Variants in B4GALT5 observed in about 807,000 individuals in gnomAD.
B4GALT5 encodes beta-1,4-galactosyltransferase 5.
A neutral mutation model predicts 45.0 loss-of-function variants in B4GALT5; 11 were observed. The ratio of observed to expected loss-of-function variants is 0.24; its 90% CI spans 0.15 to 0.40. The LOEUF (loss-of-function observed/expected upper bound fraction) is 0.40. B4GALT5 is among the 10% of genes least tolerant of loss of function. The pLI, the probability that B4GALT5 is intolerant of heterozygous loss-of-function variation, is 1.00. For synonymous variants in B4GALT5, 185 were observed against 182.9 expected, an observed-to-expected ratio of 1.01 and a Z score of -0.09; for missense variants, 337 against 500.2, an observed-to-expected ratio of 0.67 and a Z score of 3.11.
chr20:49,636,537 G>A (rs140933889), intron 8 of B4GALT5, 78 bp from the exon 9 acceptor site: 159 of 1,522,056 alleles, frequency 1.0e-4, no homozygotes, highest in Non-Finnish European at 1.3e-4. Context: ...GGAGCAGGGC[G>A]TCCCACAGCA....
At chr20:49,647,555 A>G (rs1568717195) in intron 2 of B4GALT5, among the ~76,000 whole-genome samples, 2 of 151,952 alleles carry the variant, frequency 1.3e-5, no homozygotes, top group African/African-American at 4.8e-5. Context: ...ATCCCCTTCC[A>G]TTCCCCAGTC....
intron 2 of B4GALT5, among the ~76,000 whole-genome samples, chr20:49,650,598 T>C (rs1238045420): frequency 6.6e-6 from 1 of 151,918 alleles, no homozygotes; most frequent in African/African-American, 2.4e-5. Flanking sequence ...GATCACACGG[T>C]TGCACTCCAG....
At chr20:49,712,948 AT>A (rs2085923481) in intron 1 of B4GALT5, among the ~76,000 whole-genome samples, 1 of 150,590 alleles carries the variant, frequency 6.6e-6, no homozygotes, top group Non-Finnish European at 1.5e-5. Context: ...AGGCAGAGAG[AT>A]CAGGCCACTG....
chr20:49,645,672 C>A (rs966585662), intron 3 of B4GALT5, among the ~76,000 whole-genome samples: 1 of 151,984 alleles, frequency 6.6e-6, no homozygotes. Context: ...TCACTTGAAC[C>A]TGGGAGGCAG....
rs1473542686 is a variant in B4GALT5, at chr20:49,635,568, TCAACTG to T, written c.*738_*743del. On this transcript the variant is annotated 3_prime_UTR_variant, in exon 9 of 9. Coordinates refer to ENST00000371711, the MANE Select transcript of B4GALT5 (RefSeq NM_004776.4). ...ACAGCAATTCGGGAGATGACATTCTTCAACTGCATTTTAACTGAGTTCCTGCACTTG... is the reference window on the plus strand; with the variant it reads ...ACAGCAATTCGGGAGATGACATTCTTCATTTTAACTGAGTTCCTGCACTTG... 2 of 152,484 alleles carry T rather than the reference TCAACTG, an allele frequency of 1.3e-5. No individual in the cohort carries two copies. The highest frequency in any genetic ancestry group is 2.9e-5 in the Non-Finnish European group (2 of 68,026). 9.4% of individuals were successfully genotyped at this position (152,484 alleles called of 1,614,324 possible).
chr20:49,704,580 G>A (rs374282025), intron 1 of B4GALT5, among the ~76,000 whole-genome samples: 7 of 150,922 alleles, frequency 4.6e-5, no homozygotes, highest in South Asian at 2.1e-4. Flanking sequence ...TTAGCCGGGC[G>A]TAGTGGCGGG....
intron 1 of B4GALT5, among the ~76,000 whole-genome samples, chr20:49,689,582 T>C (rs150736494): frequency 6.6e-6 from 1 of 152,354 alleles, no homozygotes; most frequent in East Asian, 1.9e-4. Flanking sequence ...TTAACTTGCT[T>C]ATCACAAATA....
intron 1 of B4GALT5, among the ~76,000 whole-genome samples, chr20:49,679,580 G>A: frequency 6.6e-6 from 1 of 151,834 alleles, no homozygotes; most frequent in Non-Finnish European, 1.5e-5. Context: ...GGAGGCTGAG[G>A]CAGGAGAATC....
chr20:49,702,842 G>A (rs886904238), intron 1 of B4GALT5, among the ~76,000 whole-genome samples: 4 of 151,390 alleles, frequency 2.6e-5, no homozygotes, highest in Non-Finnish European at 5.9e-5. Flanking sequence ...GCAACAGAGC[G>A]AGAGTCCATC....
At chr20:49,710,952 A>C (rs1348102054) in intron 1 of B4GALT5, among the ~76,000 whole-genome samples, 1 of 151,986 alleles carries the variant, frequency 6.6e-6, no homozygotes, top group African/African-American at 2.4e-5. Context: ...GCAGGGTGGC[A>C]TGTACCTGGA....
intron 1 of B4GALT5, among the ~76,000 whole-genome samples, chr20:49,707,229 A>C (rs559177668): frequency 6.6e-6 from 1 of 152,294 alleles, no homozygotes; most frequent in South Asian, 2.1e-4. Context: ...AGAGAACATA[A>C]AACATCACCA....
At chr20:49,642,641 G>A (rs2085581846) in intron 4 of B4GALT5, 57 bp from the exon 5 acceptor site, 1 of 1,240,762 alleles carries the variant, frequency 8.1e-7, no homozygotes, top group African/African-American at 1.5e-5. Context: ...TCACTCCTTA[G>A]CAGGACACCC....
rs577294980 is a variant in B4GALT5 at position 49,647,058 on chromosome 20, G to A, written c.271C>T (p.His91Tyr). 11 of 1,613,400 alleles carry A rather than the reference G, an allele frequency of 6.8e-6. No individual in the cohort carries two copies. The highest frequency in any genetic ancestry group is 9.3e-6 in the Non-Finnish European group (11 of 1,179,572). The change falls in exon 3 of 9, where the codon CAC becomes TAC. Residue 91 changes from histidine (H) to tyrosine (Y), a missense_variant. Physicochemically the swap from His to Tyr is moderately conservative, Grantham distance 83. This residue lies in a region of B4GALT5 where 174 missense variants were observed against 207.4 expected (regional missense o/e 0.84). Coordinates refer to ENST00000371711, the MANE Select transcript of B4GALT5 (RefSeq NM_004776.4). ...GTAGTTTGCAGGAAGGTTTCACTGT[G>A]GTTCAAGTCAAGAGGATAATCTAGG... ...NDSDYPLDLN[H>Y]SETFLQTTTF...
chr20:49,658,228 G>A (rs1038841397), intron 1 of B4GALT5, among the ~76,000 whole-genome samples: 1 of 152,146 alleles, frequency 6.6e-6, no homozygotes, highest in African/African-American at 2.4e-5. Context: ...TTAAAAAAAA[G>A]TATAACTGTG....
chr20:49,711,911 C>T (rs2085913937), intron 1 of B4GALT5, among the ~76,000 whole-genome samples: 1 of 152,202 alleles, frequency 6.6e-6, no homozygotes, highest in Non-Finnish European at 1.5e-5. Flanking sequence ...GACAGGTCAA[C>T]AGAGAATGGC....
At chr20:49,695,653 G>A (rs951077816) in intron 1 of B4GALT5, among the ~76,000 whole-genome samples, 1 of 152,146 alleles carries the variant, frequency 6.6e-6, no homozygotes, top group Non-Finnish European at 1.5e-5. Flanking sequence ...TCAGGTGTTT[G>A]GCCTCCCAAA....
chr20:49,638,172 C>CCACAACAGGCTA, intron 7 of B4GALT5, among the ~76,000 whole-genome samples: 1 of 152,104 alleles, frequency 6.6e-6, no homozygotes, highest in East Asian at 1.9e-4. Flanking sequence ...GCGTGTGCCA[C>CCACAACAGGCTA]CACAACAGGC....
chr20:49,658,139 G>A (rs779157714), intron 1 of B4GALT5, among the ~76,000 whole-genome samples: 1 of 152,148 alleles, frequency 6.6e-6, no homozygotes, highest in Non-Finnish European at 1.5e-5. Context: ...TTCTGGCACC[G>A]TCGGAGAATA....
At position 49,633,604 on chromosome 20, in the gene B4GALT5, A is replaced by G. The variant is rs148982916; in HGVS notation, c.*2708T>C. ...TCATCAGACACAGACATGACCGCAA[A>G]GGTATCAAAGTGACCCCACTTTAAG... On this transcript the variant is annotated 3_prime_UTR_variant, in exon 9 of 9. Transcript: ENST00000371711. 6.4e-4 allele frequency: 98 copies of G among 152,294 alleles called. 1 individual carries two copies. Among genetic ancestry groups the G allele is most frequent in the African/African-American group, 2.3e-3 (94 of 41,540 alleles). The allele number at this position is 152,294 out of a possible 1,614,324, so 9.4% of individuals were successfully genotyped here.
Sources: allele counts gnomAD v4.1 joint callset (sites outside exome capture counted in the v4.1 genomes callset), GRCh38; gene constraint gnomAD v4.1.1; regional missense constraint gnomAD v4.1.1; transcripts MANE v1.5; gene names NCBI Gene and HGNC (gene_info 2026-07-23, HGNC 2026-07-21).